Variants in DNM3 observed in about 807,000 individuals in gnomAD.
The protein encoded by DNM3 is dynamin 3, also known as dynamin-3.
In DNM3, 47 loss-of-function variants were observed where a neutral mutation model predicts 101.6. That is an observed-to-expected ratio of 0.46 (90% CI 0.37 to 0.59). DNM3 has a LOEUF of 0.59. Among genes scored for constraint, DNM3 ranks in the 20% least tolerant of loss-of-function variants. The pLI, the probability that DNM3 is intolerant of heterozygous loss-of-function variation, is 0.00. For missense variants in DNM3, 849 were observed against 1,085.7 expected (o/e 0.78, Z 3.06); for synonymous variants, 385 against 387.9 (o/e 0.99, Z 0.09).
chr1:172,102,865 C>A (rs1226504320), intron 13 of DNM3, among the ~76,000 whole-genome samples: 1 of 152,084 alleles, frequency 6.6e-6, no homozygotes, highest in East Asian at 1.9e-4. Context: ...TGTATTATTC[C>A]AATTCCTTGG....
chr1:172,023,846 GT>G (rs57539519), intron 4 of DNM3, among the ~76,000 whole-genome samples: 122,988 of 138,850 alleles, frequency 0.89, 53,671 homozygotes, highest in African/African-American at 0.92. Flanking sequence ...TAACAATGTG[GT>G]TTTTTTTTTT....
chr1:172,215,443 A>G (rs1438689720), intron 14 of DNM3, among the ~76,000 whole-genome samples: 2 of 152,016 alleles, frequency 1.3e-5, no homozygotes, highest in Non-Finnish European at 2.9e-5. Flanking sequence ...ATGCATAAGA[A>G]CCCAAAGAGG....
chr1:172,201,545 G>T (rs571502049), intron 14 of DNM3, among the ~76,000 whole-genome samples: 205 of 152,340 alleles, frequency 1.3e-3, no homozygotes, highest in African/African-American at 4.6e-3. Context: ...CAAGCCAGGG[G>T]TTCCCTGTGT....
chr1:172,039,402 T>C (rs2819526), intron 7 of DNM3, among the ~76,000 whole-genome samples: 106,574 of 151,946 alleles, frequency 0.7, 38,756 homozygotes, highest in African/African-American at 0.9. Flanking sequence ...TATTTAAATA[T>C]AATATTAATT....
intron 2 of DNM3, among the ~76,000 whole-genome samples, chr1:171,947,700 A>G (rs184352831): frequency 2.0e-4 from 30 of 152,190 alleles, no homozygotes; most frequent in African/African-American, 6.3e-4. Context: ...TGCCATTTCT[A>G]TATGTTTTTA....
At chr1:172,120,566 C>T (rs548992212) in intron 13 of DNM3, among the ~76,000 whole-genome samples, 48 of 152,308 alleles carry the variant, frequency 3.2e-4, no homozygotes, top group African/African-American at 9.6e-4. Flanking sequence ...CCTCCAGGCA[C>T]GCCTGGTAGG....
intron 14 of DNM3, among the ~76,000 whole-genome samples, chr1:172,232,123 G>C (rs951179234): frequency 6.6e-6 from 1 of 152,170 alleles, no homozygotes; most frequent in Non-Finnish European, 1.5e-5. Flanking sequence ...AGACCCATCA[G>C]TGTGCTGTAT....
At chr1:171,910,358 C>T (rs2039196175) in intron 1 of DNM3, among the ~76,000 whole-genome samples, 1 of 152,208 alleles carries the variant, frequency 6.6e-6, no homozygotes, top group Non-Finnish European at 1.5e-5. Context: ...AGTTAAATCT[C>T]TTACCATTCT....
At chr1:172,370,098 A>G (rs2149034299) in intron 17 of DNM3, 1 of 152,108 alleles carries the variant, frequency 6.6e-6, no homozygotes, top group South Asian at 2.1e-4. Context: ...GGGCTTCAAC[A>G]TGAATTTTGT....
chr1:172,229,109 T>G (rs2061242530), intron 14 of DNM3, among the ~76,000 whole-genome samples: 1 of 152,194 alleles, frequency 6.6e-6, no homozygotes, highest in African/African-American at 2.4e-5. Context: ...AGGCTTTCAT[T>G]ATTTTTCTGG....
At chr1:172,273,475 G>A (rs879900711) in intron 15 of DNM3, among the ~76,000 whole-genome samples, 2 of 152,144 alleles carry the variant, frequency 1.3e-5, no homozygotes, top group Admixed American at 6.6e-5. Context: ...CTTACTTCTT[G>A]TTGTGTCTGT....
chr1:172,283,616 C>T (rs1338543675), intron 15 of DNM3, among the ~76,000 whole-genome samples: 2 of 151,722 alleles, frequency 1.3e-5, no homozygotes, highest in Non-Finnish European at 2.9e-5. Context: ...AAAAATTAGG[C>T]AGGCGTGGTG....
Position 172,411,317 on chromosome 1 carries a change from T to A in DNM3, c.*3476T>A. Reference sequence around the variant, plus strand: ...AGAGGTACAAAGCTCATAATTACCATGACAACATGGTAATGTCCATAGACA... The same window carrying A: ...AGAGGTACAAAGCTCATAATTACCAAGACAACATGGTAATGTCCATAGACA... On this transcript the variant is annotated 3_prime_UTR_variant, in exon 21 of 21. Coordinates refer to ENST00000627582, the MANE Select transcript of DNM3 (RefSeq NM_015569.5). 2.0e-6 allele frequency: 2 copies of A among 985,200 alleles called. No homozygotes were observed. Among genetic ancestry groups the A allele is most frequent in the Non-Finnish European group, 2.4e-6 (2 of 829,770 alleles). The allele number at this position is 985,200 out of a possible 1,614,324, so 61.0% of individuals were successfully genotyped here. A position where few individuals can be genotyped will look rare whatever the true frequency, so the allele number is the denominator to read the frequency against.
At position 172,143,017 on chromosome 1, in the gene DNM3, T is replaced by C. The variant is rs149177354; in HGVS notation, c.1659+11729T>C. On this transcript the variant is annotated intron_variant, in intron 14 of 20. Coordinates refer to ENST00000627582, the MANE Select transcript of DNM3 (RefSeq NM_015569.5). ...ATCATCTAAGTGAAAGTAGCTAAATTTCTCCTTGCTGTTTATATTTTAACT... is the reference window on the plus strand; with the variant it reads ...ATCATCTAAGTGAAAGTAGCTAAATCTCTCCTTGCTGTTTATATTTTAACT... 3.5e-3 allele frequency among the ~76,000 whole-genome samples: 539 copies of C among 152,168 alleles called. 7 individuals are homozygous for C. The highest frequency in any genetic ancestry group is 0.012 in the African/African-American group (515 of 41,562).
In DNM3 at chr1:172,329,353, A is replaced by C. The variant is rs12078782; in HGVS notation, c.1893+6013A>C. On this transcript the variant is annotated intron_variant, in intron 17 of 20. Coordinates refer to ENST00000627582, the MANE Select transcript of DNM3 (RefSeq NM_015569.5). Reference sequence around the variant, plus strand: ...AACCTATCTATTTACAAGTGAAAAAATACATTCCAAAATAGATCCAATGGA... The same window carrying C: ...AACCTATCTATTTACAAGTGAAAAACTACATTCCAAAATAGATCCAATGGA... 4.9e-3 allele frequency among the ~76,000 whole-genome samples: 743 copies of C among 152,316 alleles called. 7 individuals carry two copies. The highest frequency in any genetic ancestry group is 0.017 in the African/African-American group (706 of 41,588).
chr1:172,023,441 T>G (rs968754128), intron 4 of DNM3, among the ~76,000 whole-genome samples: 4 of 152,156 alleles, frequency 2.6e-5, no homozygotes, highest in Non-Finnish European at 5.9e-5. Context: ...AATTCTAGGT[T>G]AGAAATGATT....
intron 2 of DNM3, among the ~76,000 whole-genome samples, chr1:171,935,526 G>A (rs2041340424): frequency 6.6e-6 from 1 of 152,148 alleles, no homozygotes; most frequent in African/African-American, 2.4e-5. Context: ...ATGAGGTCTT[G>A]GGTGATGACT....
intron 14 of DNM3, among the ~76,000 whole-genome samples, chr1:172,229,080 G>A (rs12063247): frequency 0.17 from 25,297 of 152,044 alleles, 2,477 homozygotes; most frequent in East Asian, 0.28. Context: ...AGATTTTGCT[G>A]TAAAGTATCC....
chr1:171,872,893 A>G lies in DNM3; in HGVS notation c.161+31076A>G, dbSNP rs79326294. Among the ~76,000 whole-genome samples, 457 of 152,316 alleles carry G rather than the reference A, an allele frequency of 3.0e-3. 4 individuals carry two copies. The highest frequency in any genetic ancestry group is 0.01 in the African/African-American group (418 of 41,572). On this transcript the variant is annotated intron_variant, in intron 1 of 20. Coordinates refer to ENST00000627582, the MANE Select transcript of DNM3 (RefSeq NM_015569.5). Reference sequence around the variant, plus strand: ...AAAGTATTTCAAGAGTTTAGATCAAACTTGATAATATTTGTAAAAACATGA... The same window carrying G: ...AAAGTATTTCAAGAGTTTAGATCAAGCTTGATAATATTTGTAAAAACATGA...
Sources: gnomAD v4.1 joint callset for allele counts (sites outside exome capture counted in the v4.1 genomes callset) on GRCh38, gnomAD v4.1.1 for gene constraint, MANE v1.5 for transcripts, NCBI Gene and HGNC (gene_info 2026-07-23, HGNC 2026-07-21) for gene names.